Variants in SMCO2 observed in about 807,000 individuals in gnomAD.
SMCO2 encodes single-pass membrane and coiled-coil domain-containing protein 2.
SMCO2 carries 25 observed loss-of-function variants against 29.5 expected under a neutral mutation model. The ratio of observed to expected loss-of-function variants is 0.85; its 90% CI spans 0.62 to 1.18. SMCO2 has a LOEUF of 1.18. Among genes scored for constraint, SMCO2 ranks in the 50% most tolerant of loss-of-function variants. The pLI, the probability that SMCO2 is intolerant of heterozygous loss-of-function variation, is 0.00. For synonymous variants in SMCO2, 117 were observed against 123.3 expected, an observed-to-expected ratio of 0.95 and a Z score of 0.34; for missense variants, 348 against 344.5, an observed-to-expected ratio of 1.01 and a Z score of -0.08.
chr12:27,470,851 T>TGG, intron 2 of SMCO2, 86 bp downstream of exon 2: 1 of 1,438,566 alleles, frequency 7.0e-7, no homozygotes. Context: ...ACGATGAGAT[T>TGG]TCCAGGTTCA....
intron 5 of SMCO2, chr12:27,493,787 T>C (rs978883154): frequency 4.6e-5 from 7 of 152,218 alleles, no homozygotes; most frequent in African/African-American, 1.7e-4. Context: ...AACCATCTGT[T>C]GTCTCCACCT....
intron 4 of SMCO2, among the ~76,000 whole-genome samples, chr12:27,482,927 A>G (rs1260919163): frequency 6.6e-6 from 1 of 152,146 alleles, no homozygotes; most frequent in African/African-American, 2.4e-5. Flanking sequence ...AAGTTTCGCC[A>G]TGTGGCCCAG....
chr12:27,489,125 T>A (rs1045985542), intron 5 of SMCO2, among the ~76,000 whole-genome samples: 2 of 152,150 alleles, frequency 1.3e-5, no homozygotes, highest in Non-Finnish European at 2.9e-5. Flanking sequence ...CTTGGCTCAT[T>A]GCAATCTCCG....
chr12:27,454,818 A>G, the SMCO2 span, among the ~76,000 whole-genome samples: 2 of 152,142 alleles, frequency 1.3e-5, no homozygotes, highest in Non-Finnish European at 2.9e-5. Flanking sequence ...GAGTGAGAAC[A>G]TGTGGTGTTT....
rs562908464 is a variant in SMCO2, at chr12:27,498,858, G to A, written c.683+3003G>A. Among the ~76,000 whole-genome samples, 10 of 150,278 alleles carry A rather than the reference G, an allele frequency of 6.7e-5. 1 individual carries two copies. Among genetic ancestry groups the A allele is most frequent in the Admixed American group, 3.9e-4 (6 of 15,192 alleles). On this transcript the variant is annotated intron_variant, in intron 7 of 7. Transcript: ENST00000298876. ...AGCATCATTGGTCATTAAAAAAAAC[G>A]TAAATCAAACCCACAATGAACCACA... is the stretch of plus-strand genomic sequence containing the variant.
At chr12:27,474,007 G>A (rs950693597) in intron 3 of SMCO2, among the ~76,000 whole-genome samples, 9 of 152,230 alleles carry the variant, frequency 5.9e-5, no homozygotes, top group African/African-American at 7.2e-5. Flanking sequence ...TAGAGTAGGC[G>A]TTTTCCCCCA....
the SMCO2 span, among the ~76,000 whole-genome samples, chr12:27,444,653 T>A: frequency 6.6e-6 from 1 of 152,098 alleles, no homozygotes; most frequent in East Asian, 1.9e-4. Flanking sequence ...GTCACCTCAG[T>A]TAAAATAGCT....
the SMCO2 span, among the ~76,000 whole-genome samples, chr12:27,434,351 G>A: frequency 9.9e-5 from 15 of 152,270 alleles, no homozygotes; most frequent in Admixed American, 3.9e-4. Flanking sequence ...ACTATTGCTT[G>A]CTTTGTGTCT....
intron 4 of SMCO2, among the ~76,000 whole-genome samples, chr12:27,479,294 C>T (rs1949619471): frequency 1.3e-5 from 2 of 152,012 alleles, no homozygotes; most frequent in African/African-American, 4.8e-5. Context: ...GTAGGCTGCT[C>T]CTCAGGCCCC....
chr12:27,442,948 C>T, the SMCO2 span, among the ~76,000 whole-genome samples: 2 of 152,132 alleles, frequency 1.3e-5, no homozygotes, highest in African/African-American at 4.8e-5. Context: ...AGAACTAATA[C>T]CAATACCAAC....
intron 4 of SMCO2, among the ~76,000 whole-genome samples, chr12:27,477,631 A>ATCCTTTTTTT (rs1484377460): frequency 1.2e-5 from 1 of 81,108 alleles, no homozygotes; most frequent in African/African-American, 7.2e-5. Flanking sequence ...ATTCTTTTTC[A>ATCCTTTTTTT]TTCTTTTTTT....
chr12:27,460,268 A>G, the SMCO2 span, among the ~76,000 whole-genome samples: 1 of 152,282 alleles, frequency 6.6e-6, no homozygotes, highest in African/African-American at 2.4e-5. Flanking sequence ...CCCTTGCACA[A>G]TGCCGGGGTT....
chr12:27,500,037 A>C (rs2135583836), intron 7 of SMCO2, among the ~76,000 whole-genome samples: 1 of 150,870 alleles, frequency 6.6e-6, no homozygotes, highest in Admixed American at 6.6e-5. Context: ...AAAAGTTAAA[A>C]GAATATTTTA....
intron 4 of SMCO2, chr12:27,475,720 C>T (rs527788102): frequency 2.0e-4 from 314 of 1,545,260 alleles, no homozygotes; most frequent in Non-Finnish European, 2.5e-4. Flanking sequence ...TAACAGAAAA[C>T]ACAGTGAAGA....
intron 4 of SMCO2, among the ~76,000 whole-genome samples, chr12:27,477,621 A>G (rs1464832434): frequency 9.6e-6 from 1 of 104,140 alleles, no homozygotes; most frequent in African/African-American, 5.0e-5. Context: ...GGCTTTCTTC[A>G]TTCTTTTTCA....
At position 27,491,162 on chromosome 12, in the gene SMCO2, C is replaced by T. The variant is rs139383486; in HGVS notation, c.450+2615C>T. On this transcript the variant is annotated intron_variant, in intron 5 of 7. Coordinates refer to ENST00000298876, the Ensembl canonical transcript of SMCO2. ...TATCACATATATTGGCTCACTTATT[C>T]CTCATAAAGAAATGGAATAACTAAG... Among the ~76,000 whole-genome samples, 38 of 151,966 alleles carry T rather than the reference C, an allele frequency of 2.5e-4. No individual in the cohort carries two copies. In the East Asian group the frequency reaches 7.0e-3, roughly 28 times the overall value.
the SMCO2 span, among the ~76,000 whole-genome samples, chr12:27,439,541 C>T: frequency 6.6e-6 from 1 of 152,102 alleles, no homozygotes; most frequent in African/African-American, 2.4e-5. Flanking sequence ...TTTGTGAGCT[C>T]CCCAACCAAG....
intron 3 of SMCO2, 102 bp from the exon 4 acceptor site, chr12:27,474,684 T>A: frequency 1.5e-6 from 2 of 1,349,764 alleles, no homozygotes; most frequent in Non-Finnish European, 2.0e-6. Context: ...GAGAGGACTA[T>A]GTGCTTGACC....
Position 27,473,095 on chromosome 12 carries a change from A to G in SMCO2, c.234+220A>G, listed in dbSNP as rs145641929. On this transcript the variant is annotated intron_variant, in intron 3 of 7. Transcript: ENST00000298876. ...ACATGAAGGACTTACTAGCCTTCCC[A>G]TGCGAACAAAAAAGAAAAAAAAGTG... 273 of 449,836 alleles carry G rather than the reference A, an allele frequency of 6.1e-4. 2 individuals carry two copies. The highest frequency in any genetic ancestry group is 5.0e-3 in the African/African-American group (251 of 50,280). The allele number at this position is 449,836 out of a possible 1,614,324, so 27.9% of individuals were successfully genotyped here.
Sources: allele counts gnomAD v4.1 joint callset (sites outside exome capture counted in the v4.1 genomes callset), GRCh38; gene constraint gnomAD v4.1.1; transcripts MANE v1.5; gene names NCBI Gene and HGNC (gene_info 2026-07-23, HGNC 2026-07-21).